Variants in RNF111 observed in about 807,000 individuals in gnomAD.
RNF111 encodes the protein E3 ubiquitin-protein ligase Arkadia.
RNF111 carries 17 observed loss-of-function variants against 95.1 expected under a neutral mutation model. That is an observed-to-expected ratio of 0.18 (90% CI 0.12 to 0.27). The LOEUF is 0.27. Ranked by LOEUF, RNF111 falls within the 10% of genes least tolerant of loss-of-function variation. The pLI, the probability that RNF111 is intolerant of heterozygous loss-of-function variation, is 1.00. For missense variants in RNF111, 1,189 were observed against 1,210.4 expected, an observed-to-expected ratio of 0.98 and a Z score of 0.26; for synonymous variants, 440 against 414.8, an observed-to-expected ratio of 1.06 and a Z score of -0.74.
intron 1 of RNF111, chr15:59,004,165 C>A: frequency 8.3e-7 from 1 of 1,207,956 alleles, no homozygotes; most frequent in Non-Finnish European, 1.1e-6. Flanking sequence ...TCTGGATTAG[C>A]AGTTTTAAGG....
intron 2 of RNF111, among the ~76,000 whole-genome samples, chr15:59,043,729 G>C (rs571740078): frequency 1.3e-5 from 2 of 152,146 alleles, no homozygotes; most frequent in Non-Finnish European, 2.9e-5. Flanking sequence ...AGAGTCATTT[G>C]CTTATACCTT....
intron 1 of RNF111, among the ~76,000 whole-genome samples, chr15:59,024,370 G>T (rs1420917067): frequency 6.6e-6 from 1 of 152,046 alleles, no homozygotes; most frequent in African/African-American, 2.4e-5. Flanking sequence ...TGTTTTCATT[G>T]CTAGAGATCT....
Position 59,031,661 on chromosome 15 carries a change from C to T in RNF111, c.839C>T (p.Ser280Phe). 1 of 1,614,058 alleles carries T rather than the reference C, an allele frequency of 6.2e-7. No homozygotes were observed. Among genetic ancestry groups the T allele is most frequent in the Non-Finnish European group, 8.5e-7 (1 of 1,180,000 alleles). Residue 280 changes from serine to phenylalanine, a missense_variant, in exon 2 of 14, where the codon TCT becomes TTT. Coordinates refer to ENST00000348370, the MANE Select transcript of RNF111 (RefSeq NM_017610.8). ...GAAGGAGAAGAAGATTTGTTTGTTTCTGCCAGTGAAAACCACCAAAACAAT... is the reference window on the plus strand; with the variant it reads ...GAAGGAGAAGAAGATTTGTTTGTTTTTGCCAGTGAAAACCACCAAAACAAT... ...STEGEEDLFVSASENHQNNPA... is the reference protein window; with the variant it reads ...STEGEEDLFVFASENHQNNPA...
chr15:59,070,029 C>CCCCTTT (rs2042842652), intron 6 of RNF111, among the ~76,000 whole-genome samples: 7 of 22,676 alleles, frequency 3.1e-4, no homozygotes, highest in Admixed American at 6.1e-4. Context: ...CCACCTCCTG[C>CCCCTTT]TTTTTTTTTT....
chr15:59,066,970 G>A lies in RNF111; in HGVS notation c.1573G>A (p.Ala525Thr). Residue 525 changes from alanine to threonine, a missense_variant, in exon 6 of 14, where the codon GCT (alanine) becomes ACT (threonine). Ala to Thr is a moderately conservative substitution (Grantham distance 58). This residue lies in a region of RNF111 where 1,024 missense variants were observed against 925.9 expected (regional missense o/e 1.11). Transcript: ENST00000348370. Reference protein sequence around the residue: ...HHHHHHTPHPAVPVSPSFSDP... With the variant: ...HHHHHHTPHPTVPVSPSFSDP... Reference sequence around the variant, plus strand: ...CCACCACCACCATACTCCCCACCCAGCTGTCCCAGTTTCTCCTTCCTTTAG... The same window carrying A: ...CCACCACCACCATACTCCCCACCCAACTGTCCCAGTTTCTCCTTCCTTTAG... 6.2e-7 allele frequency: 1 copy of A among 1,614,066 alleles called. No homozygotes were observed. Among genetic ancestry groups the A allele is most frequent in the Non-Finnish European group, 8.5e-7 (1 of 1,180,014 alleles).
At chr15:59,008,407 CAG>C (rs2039639427) in intron 1 of RNF111, among the ~76,000 whole-genome samples, 1 of 152,078 alleles carries the variant, frequency 6.6e-6, no homozygotes, top group Admixed American at 6.6e-5. Flanking sequence ...TTTGTAGAGA[CAG>C]GGTCTCACTT....
intron 1 of RNF111, among the ~76,000 whole-genome samples, chr15:58,991,030 T>G (rs915895300): frequency 6.6e-5 from 10 of 152,054 alleles, no homozygotes; most frequent in African/African-American, 2.4e-4. Context: ...GTGCGCTTGC[T>G]CATACCTGTA....
Position 59,085,751 on chromosome 15 carries a change from T to G in RNF111, c.2516T>G (p.Leu839Arg), listed in dbSNP as rs764293767. 1 of 1,613,482 alleles carries G rather than the reference T, an allele frequency of 6.2e-7. No homozygotes were observed. Among genetic ancestry groups the G allele is most frequent in the Non-Finnish European group, 8.5e-7 (1 of 1,179,606 alleles). Residue 839 changes from leucine (L) to arginine (R), a missense_variant, in exon 10 of 14, where the codon CTT becomes CGT. Physicochemically the swap from Leu to Arg is moderately radical, Grantham distance 102. Around this residue, in one of 2 missense-constraint regions of RNF111, gnomAD observed 165 missense variants for 284.6 expected, o/e 0.58. Transcript: ENST00000348370. ...GCCCATTATCACGCACCTCCTCGACTTCATCACTTACAATTAGGAGCTCTT... is the reference window on the plus strand; with the variant it reads ...GCCCATTATCACGCACCTCCTCGACGTCATCACTTACAATTAGGAGCTCTT... ...HLAHYHAPPR[L>R]HHLQLGALPL...
chr15:59,013,146 A>C (rs1427889040), intron 1 of RNF111, among the ~76,000 whole-genome samples: 2 of 152,188 alleles, frequency 1.3e-5, no homozygotes, highest in Non-Finnish European at 2.9e-5. Flanking sequence ...TGCCTTTCCT[A>C]GGGATCAGGG....
intron 4 of RNF111, among the ~76,000 whole-genome samples, chr15:59,058,110 T>C (rs2042272955): frequency 6.6e-6 from 1 of 152,226 alleles, no homozygotes; most frequent in African/African-American, 2.4e-5. Flanking sequence ...AACTGTTAAA[T>C]CACCTAAATT....
intron 7 of RNF111, among the ~76,000 whole-genome samples, chr15:59,078,640 C>T (rs2078641317): frequency 3.3e-5 from 5 of 151,728 alleles, no homozygotes; most frequent in Admixed American, 2.0e-4. Context: ...GGGTGGATCA[C>T]CTGAGGTCAG....
At chr15:59,025,960 C>G (rs1322350043) in intron 1 of RNF111, among the ~76,000 whole-genome samples, 1 of 151,916 alleles carries the variant, frequency 6.6e-6, no homozygotes, top group African/African-American at 2.4e-5. Flanking sequence ...GAACTCCCAA[C>G]CTCAGGTGAT....
intron 7 of RNF111, among the ~76,000 whole-genome samples, chr15:59,076,506 A>C (rs1483162349): frequency 6.6e-6 from 1 of 152,232 alleles, no homozygotes; most frequent in Non-Finnish European, 1.5e-5. Context: ...TAGCTGAGAC[A>C]TAACAGCAAG....
intron 1 of RNF111, among the ~76,000 whole-genome samples, chr15:58,995,698 T>A (rs999225866): frequency 6.6e-6 from 1 of 150,548 alleles, no homozygotes; most frequent in South Asian, 2.1e-4. Context: ...CCTTGTGACC[T>A]CGTGATCCAC....
chr15:59,075,850 T>G, intron 6 of RNF111, 104 bp from the exon 7 acceptor site: 1 of 1,265,558 alleles, frequency 7.9e-7, no homozygotes, highest in Middle Eastern at 2.7e-4. Flanking sequence ...TCAAACTAAT[T>G]TAAAGATTAT....
intron 1 of RNF111, among the ~76,000 whole-genome samples, chr15:59,018,486 A>G (rs545600266): frequency 1.3e-5 from 2 of 152,198 alleles, no homozygotes; most frequent in East Asian, 1.9e-4. Context: ...TAAATATATT[A>G]TGTTCTCATA....
intron 4 of RNF111, among the ~76,000 whole-genome samples, chr15:59,057,170 A>G (rs1246944385): frequency 1.3e-5 from 2 of 152,218 alleles, no homozygotes; most frequent in East Asian, 1.9e-4. Context: ...TCTAATGGAT[A>G]GAGACCATGG....
At chr15:59,091,672 G>T (rs988852476) in intron 12 of RNF111, among the ~76,000 whole-genome samples, 13 of 152,150 alleles carry the variant, frequency 8.5e-5, no homozygotes, top group Non-Finnish European at 1.8e-4. Flanking sequence ...CAGTTATGGG[G>T]TAGACATGTT....
intron 1 of RNF111, among the ~76,000 whole-genome samples, chr15:59,017,836 C>T (rs1286771728): frequency 6.7e-6 from 1 of 148,704 alleles, no homozygotes; most frequent in Non-Finnish European, 1.5e-5. Flanking sequence ...CGGCTCTCTG[C>T]AACCTCCACT....
Sources: allele counts gnomAD v4.1 joint callset (sites outside exome capture counted in the v4.1 genomes callset), GRCh38; gene constraint gnomAD v4.1.1; regional missense constraint gnomAD v4.1.1; transcripts MANE v1.5; gene names NCBI Gene and HGNC (gene_info 2026-07-23, HGNC 2026-07-21).